Variants in FAM3B observed in about 807,000 individuals in gnomAD.
FAM3B encodes the protein FAM3 metabolism regulating signaling molecule B, also known as protein FAM3B.
FAM3B carries 29 observed loss-of-function variants against 28.4 expected under a neutral mutation model. That is an observed-to-expected ratio of 1.02 (90% CI 0.76 to 1.39). The LOEUF is 1.39. Among genes scored for constraint, FAM3B ranks in the 40% most tolerant of loss-of-function variants. The pLI is 0.00. For synonymous variants in FAM3B, 91 were observed against 103.0 expected (o/e 0.88, Z 0.71); for missense variants, 266 against 293.9 (o/e 0.91, Z 0.69).
At chr21:41,355,826 T>C (rs2089160103) in intron 7 of FAM3B, among the ~76,000 whole-genome samples, 1 of 152,198 alleles carries the variant, frequency 6.6e-6, no homozygotes, top group South Asian at 2.1e-4. Context: ...TGGATTTTAC[T>C]ATGTGAATTA....
At chr21:41,349,462 A>G (rs1440348412) in intron 7 of FAM3B, among the ~76,000 whole-genome samples, 4 of 152,286 alleles carry the variant, frequency 2.6e-5, no homozygotes, top group Admixed American at 1.3e-4. Context: ...CTTCCCCACT[A>G]TACCTTCTGA....
chr21:41,340,081 G>A (rs1324866411), intron 3 of FAM3B, among the ~76,000 whole-genome samples: 2 of 151,936 alleles, frequency 1.3e-5, no homozygotes, highest in Admixed American at 6.6e-5. Flanking sequence ...TCATGTTCAA[G>A]GTAGGAGAAG....
intron 7 of FAM3B, among the ~76,000 whole-genome samples, chr21:41,354,899 CA>C (rs1410965574): frequency 1.3e-5 from 2 of 151,892 alleles, no homozygotes; most frequent in Non-Finnish European, 2.9e-5. Flanking sequence ...AAAGATAAAC[CA>C]CAGAATGGGA....
rs754143210 is a variant in FAM3B at position 41,338,430 on chromosome 21, C to A, written c.216C>A (p.Asp72Glu). ...ACCACTGGACTCCCTGCCCATCTGA[C>A]ACCTATGCCTACAGGTTACTCAGCG... ...KCDHWTPCPS[D>E]TYAYRLLSGG... The change falls in exon 3 of 8, where the codon GAC becomes GAA. Residue 72 changes from aspartate to glutamate, a missense_variant. Coordinates refer to ENST00000357985, the MANE Select transcript of FAM3B (RefSeq NM_058186.4). 1 of 1,614,222 alleles carries A rather than the reference C, an allele frequency of 6.2e-7. No homozygotes were observed. The highest frequency in any genetic ancestry group is 8.5e-7 in the Non-Finnish European group (1 of 1,180,046).
intron 1 of FAM3B, among the ~76,000 whole-genome samples, chr21:41,308,379 G>C (rs981577539): frequency 1.3e-5 from 2 of 152,160 alleles, no homozygotes; most frequent in African/African-American, 4.8e-5. Flanking sequence ...CAGAAGTAGA[G>C]GTTCTGGGTA....
chr21:41,320,819 G>A (rs2088796523), intron 1 of FAM3B: 1 of 152,206 alleles, frequency 6.6e-6, no homozygotes, highest in African/African-American at 2.4e-5. Flanking sequence ...AGAGCTCCCT[G>A]CCGCATCAGG....
At chr21:41,311,746 A>T (rs186392154) in intron 1 of FAM3B, among the ~76,000 whole-genome samples, 42 of 152,298 alleles carry the variant, frequency 2.8e-4, no homozygotes, top group African/African-American at 9.1e-4. Context: ...TTTCACACAG[A>T]TACATAGTTG....
intron 7 of FAM3B, among the ~76,000 whole-genome samples, chr21:41,354,109 A>T (rs534293401): frequency 6.6e-6 from 1 of 152,346 alleles, no homozygotes; most frequent in African/African-American, 2.4e-5. Context: ...ACCAGTCAGA[A>T]TGGCTATTAT....
chr21:41,312,713 G>C (rs1344308489), upstream of FAM3B, among the ~76,000 whole-genome samples: 1 of 141,466 alleles, frequency 7.1e-6, no homozygotes, highest in Non-Finnish European at 1.5e-5. Context: ...GTCTCACTGT[G>C]TGTGTGAGAG....
chr21:41,324,692 G>A (rs1436177466), intron 2 of FAM3B, among the ~76,000 whole-genome samples: 1 of 152,134 alleles, frequency 6.6e-6, no homozygotes, highest in Non-Finnish European at 1.5e-5. Context: ...CGTGTTTTAA[G>A]GTTCATCCTT....
At chr21:41,348,140 T>C (rs1199295867) in intron 6 of FAM3B, among the ~76,000 whole-genome samples, 2 of 152,212 alleles carry the variant, frequency 1.3e-5, no homozygotes, top group East Asian at 3.8e-4. Context: ...CAGTATTGTT[T>C]TACATTTCTT....
Position 41,338,426 on chromosome 21 carries a change from C to A in FAM3B, c.212C>A (p.Ser71Tyr), listed in dbSNP as rs1324432092. ...TGTGACCACTGGACTCCCTGCCCAT[C>A]TGACACCTATGCCTACAGGTTACTC... ...QKCDHWTPCP[S>Y]DTYAYRLLSG... The change falls in exon 3 of 8, where the codon TCT becomes TAT. Residue 71 changes from serine (S) to tyrosine (Y), a missense_variant. Physicochemically the swap from Ser to Tyr is moderately radical, Grantham distance 144. Transcript: ENST00000357985. 1 of 1,614,086 alleles carries A rather than the reference C, an allele frequency of 6.2e-7. No homozygotes were observed. Among genetic ancestry groups the A allele is most frequent in the East Asian group, 2.2e-5 (1 of 44,894 alleles).
intron 7 of FAM3B, among the ~76,000 whole-genome samples, chr21:41,353,037 G>A (rs902286886): frequency 1.2e-4 from 18 of 152,004 alleles, no homozygotes; most frequent in African/African-American, 4.1e-4. Context: ...ACAACCTGAA[G>A]ATGAAATTCA....
chr21:41,331,465 G>C (rs2088905080), intron 2 of FAM3B, among the ~76,000 whole-genome samples: 1 of 152,024 alleles, frequency 6.6e-6, no homozygotes, highest in Non-Finnish European at 1.5e-5. Context: ...GCCTGTTTTT[G>C]CTTGTGTTGC....
At chr21:41,337,583 A>T (rs112231428) in intron 2 of FAM3B, among the ~76,000 whole-genome samples, 6 of 152,294 alleles carry the variant, frequency 3.9e-5, no homozygotes, top group African/African-American at 1.4e-4. Flanking sequence ...AGAGTGGGTC[A>T]GCTGTGGTGG....
chr21:41,307,878 C>G (rs2088690183), intron 1 of FAM3B, among the ~76,000 whole-genome samples: 1 of 151,954 alleles, frequency 6.6e-6, no homozygotes, highest in Non-Finnish European at 1.5e-5. Context: ...TGAAGTATTG[C>G]CAGAATTACC....
chr21:41,338,534 G>C, intron 3 of FAM3B, 33 bp downstream of exon 3: 1 of 1,611,874 alleles, frequency 6.2e-7, no homozygotes. Flanking sequence ...AAAATAAAGC[G>C]ATCCTACTGA....
At chr21:41,322,287 A>G (rs1180352721) in intron 1 of FAM3B, among the ~76,000 whole-genome samples, 1 of 152,174 alleles carries the variant, frequency 6.6e-6, no homozygotes, top group East Asian at 1.9e-4. Context: ...ATTGTTGCCA[A>G]TCAACCAGAA....
At chr21:41,313,245 A>T (rs975274425), upstream of FAM3B, among the ~76,000 whole-genome samples, 2 of 152,248 alleles carry the variant, frequency 1.3e-5, no homozygotes, top group Admixed American at 6.5e-5. Flanking sequence ...ATGCAGTAAA[A>T]TACACAAATC....
Sources: gnomAD v4.1 joint callset for allele counts (sites outside exome capture counted in the v4.1 genomes callset) on GRCh38, gnomAD v4.1.1 for gene constraint, MANE v1.5 for transcripts, NCBI Gene and HGNC (gene_info 2026-07-23, HGNC 2026-07-21) for gene names.